The following HECTD4 variants were observed in gnomAD, a reference collection of about 807,000 sequenced individuals.
HECTD4 encodes the protein HECT domain E3 ubiquitin protein ligase 4, also known as probable E3 ubiquitin-protein ligase HECTD4.
HECTD4 carries 114 observed loss-of-function variants against 471.5 expected under a neutral mutation model. That is an observed-to-expected ratio of 0.24 (90% CI 0.21 to 0.28). The LOEUF (loss-of-function observed/expected upper bound fraction) is 0.28, where lower values mean the gene tolerates loss of function less well. Among genes scored for constraint, HECTD4 ranks in the 10% least tolerant of loss-of-function variants. The pLI, the probability that HECTD4 is intolerant of heterozygous loss-of-function variation, is 1.00. For synonymous variants in HECTD4, 2,012 were observed against 2,256.0 expected (o/e 0.89, Z 3.07); for missense variants, 3,866 against 5,651.5 (o/e 0.68, Z 10.13).
intron 44 of HECTD4, among the ~76,000 whole-genome samples, chr12:112,222,621 C>A (rs939304232): frequency 6.6e-6 from 1 of 152,256 alleles, no homozygotes; most frequent in East Asian, 1.9e-4. Context: ...GAGCTAAGAT[C>A]GTGCCACCGC....
At chr12:112,374,743 A>C (rs943389819) in intron 1 of HECTD4, among the ~76,000 whole-genome samples, 1 of 152,250 alleles carries the variant, frequency 6.6e-6, no homozygotes, top group African/African-American at 2.4e-5. Context: ...AGAATAGACC[A>C]ACATAAATCT....
chr12:112,176,978 A>T (rs1392401808), intron 64 of HECTD4, among the ~76,000 whole-genome samples: 1 of 152,232 alleles, frequency 6.6e-6, no homozygotes, highest in Non-Finnish European at 1.5e-5. Flanking sequence ...CTGTTCAATA[A>T]GGTAGCTGCT....
intron 1 of HECTD4, among the ~76,000 whole-genome samples, chr12:112,332,434 G>A (rs1200246488): frequency 6.6e-6 from 1 of 151,680 alleles, no homozygotes; most frequent in Non-Finnish European, 1.5e-5. Context: ...CTACTGGGGA[G>A]GGTGAGGCAG....
Position 112,269,807 on chromosome 12 carries a change from G to A in HECTD4, c.2218C>T (p.Arg740Ter). 6.2e-7 allele frequency: 1 copy of A among 1,613,842 alleles called. No individual in the cohort carries two copies. Among genetic ancestry groups the A allele is most frequent in the Non-Finnish European group, 8.5e-7 (1 of 1,179,776 alleles). ...AATCCCGACCGTCGAATGATGTCTCGATTCCTTTCAGTTTGTGGGCTGAAG... is the reference window on the plus strand; with the variant it reads ...AATCCCGACCGTCGAATGATGTCTCAATTCCTTTCAGTTTGTGGGCTGAAG... ...FFFSPQTERN[R>*]DIIRRSGLLL... Residue 740 changes from arginine (R) to a stop codon, truncating the protein, a stop_gained, in exon 13 of 76, where the codon CGA (arginine) becomes TGA (stop). Coordinates refer to ENST00000682272, the MANE Select transcript of HECTD4 (RefSeq NM_001388303.1). LOFTEE classifies it high-confidence loss of function.
chr12:112,382,385 C>A lies in HECTD4; in HGVS notation c.-257G>T, dbSNP rs1320186038. ...CCTCAGGAGCAGGATCCGCCTCTGC[C>A]GCTCGGCAACCAACTGTCAGTGAGA... On this transcript the variant is annotated 5_prime_UTR_variant, in exon 1 of 76. Transcript: ENST00000682272. 1 of 344,962 alleles carries A rather than the reference C, an allele frequency of 2.9e-6. No individual in the cohort carries two copies. The highest frequency in any genetic ancestry group is 5.1e-6 in the Non-Finnish European group (1 of 196,264). 21.4% of individuals were successfully genotyped at this position (344,962 alleles called of 1,614,324 possible). A position where few individuals can be genotyped will look rare whatever the true frequency, so the allele number is the denominator to read the frequency against.
rs778868482 is a variant in HECTD4, at chr12:112,172,848, C to T, written c.11608G>A (p.Asp3870Asn). The T allele has an allele frequency of 8.7e-6, 14 of 1,613,772 alleles. No individual in the cohort carries two copies. The South Asian group carries it at 1.1e-4, about 13-fold the overall frequency. Residue 3870 changes from aspartate to asparagine, a missense_variant, in exon 67 of 76, where the codon GAT becomes AAT. Around this residue, in one of 16 missense-constraint regions of HECTD4, gnomAD observed 715 missense variants for 1,087.6 expected, o/e 0.66. Coordinates refer to ENST00000682272, the MANE Select transcript of HECTD4 (RefSeq NM_001388303.1). Reference protein sequence around the residue: ...DLHFERCACIDVRHAQKASRK... With the variant: ...DLHFERCACINVRHAQKASRK... The stretch of plus-strand genomic sequence containing the variant: ...GAGGCCTTCTGTGCATGTCGGACAT[C>T]GATGCATGCGCACCTTGGGGTGGGG...
chr12:112,206,769 C>T (rs1319782822), intron 52 of HECTD4, among the ~76,000 whole-genome samples: 1 of 152,124 alleles, frequency 6.6e-6, no homozygotes, highest in African/African-American at 2.4e-5. Flanking sequence ...ATCTCCTGAC[C>T]TCATGATCCG....
chr12:112,353,245 T>G (rs1166358144), intron 1 of HECTD4, among the ~76,000 whole-genome samples: 1 of 152,210 alleles, frequency 6.6e-6, no homozygotes, highest in Non-Finnish European at 1.5e-5. Context: ...ATGGCTTCAT[T>G]ACAATCAAGG....
Position 112,207,975 on chromosome 12 carries a change from T to C in HECTD4, c.8030A>G (p.Lys2677Arg). The C allele has an allele frequency of 6.2e-7, 1 of 1,613,708 alleles. No individual in the cohort carries two copies. ...PQEDHYALLV[K>R]AWETKVFPTI... ...AGGAAAAACCTTGGTCTCCCATGCT[T>C]TCACCAGCAGGGCGTAGTGGTCCTC... Residue 2677 changes from lysine to arginine, a missense_variant, in exon 52 of 76, where the codon AAA becomes AGA. This residue lies in a region of HECTD4 where 266 missense variants were observed against 441.6 expected (regional missense o/e 0.60). Coordinates refer to ENST00000682272, the MANE Select transcript of HECTD4 (RefSeq NM_001388303.1).
intron 11 of HECTD4, among the ~76,000 whole-genome samples, chr12:112,270,832 G>A (rs1378855959): frequency 1.3e-5 from 2 of 152,168 alleles, no homozygotes; most frequent in Admixed American, 1.3e-4. Context: ...GTAGAACTGG[G>A]ATTTGGATTC....
At chr12:112,237,915 C>T (rs550114419) in intron 34 of HECTD4, among the ~76,000 whole-genome samples, 51 of 152,052 alleles carry the variant, frequency 3.4e-4, no homozygotes, top group Non-Finnish European at 6.0e-4. Context: ...CCACCATGCC[C>T]GGCTAATTTT....
At chr12:112,203,896 G>T in intron 53 of HECTD4, 124 bp from the exon 54 acceptor site, 1 of 535,458 alleles carries the variant, frequency 1.9e-6, no homozygotes, top group Non-Finnish European at 3.0e-6. Flanking sequence ...AAATAAAATA[G>T]CTCTACGGGC....
chr12:112,193,699 T>G lies in HECTD4; in HGVS notation c.8750-25A>C. 6.3e-7 allele frequency: 1 copy of G among 1,592,546 alleles called. No homozygotes were observed. The highest frequency in any genetic ancestry group is 8.6e-7 in the Non-Finnish European group (1 of 1,168,684). On this transcript the variant is annotated intron_variant, in intron 56 of 75. Coordinates refer to ENST00000682272, the MANE Select transcript of HECTD4 (RefSeq NM_001388303.1). This position sits in a 1 kb window ranked among gnomAD's most constrained non-coding sequence, Gnocchi z 5.2. ...TCTGGGGACGGAAAGGAAACAGAAG[T>G]TGACAAGAATCAAAGCAGCCAGTAG...
At position 112,251,019 on chromosome 12, in the gene HECTD4, T is replaced by C; in HGVS notation, c.3668A>G (p.Lys1223Arg). The change falls in exon 24 of 76, where the codon AAA becomes AGA. Residue 1223 changes from lysine to arginine, a missense_variant. Lys to Arg is a conservative substitution (Grantham distance 26). Around this residue, in one of 16 missense-constraint regions of HECTD4, gnomAD observed 281 missense variants for 499.9 expected, o/e 0.56. Coordinates refer to ENST00000682272, the MANE Select transcript of HECTD4 (RefSeq NM_001388303.1). ...RILYNGPEIT[K>R]EEEACQELLR... ...TAGCTCCTGACAGGCTTCTTCTTCT[T>C]TGGTAATTTCTGGTCCATTGTACAG... is the stretch of plus-strand genomic sequence containing the variant. The C allele has an allele frequency of 1.2e-6, 2 of 1,613,914 alleles. No homozygotes were observed. The highest frequency in any genetic ancestry group is 1.7e-6 in the Non-Finnish European group (2 of 1,179,836).
In HECTD4 at chr12:112,265,253, T is replaced by C. The variant is rs2034241880; in HGVS notation, c.2541A>G (p.Val847=). 1 of 1,590,924 alleles carries C rather than the reference T, an allele frequency of 6.3e-7. No individual in the cohort carries two copies. The highest frequency in any genetic ancestry group is 1.1e-5 in the South Asian group (1 of 87,718). The change falls in exon 16 of 76, where the codon GTA becomes GTG. Residue 847 remains valine, a synonymous_variant. Coordinates refer to ENST00000682272, the MANE Select transcript of HECTD4 (RefSeq NM_001388303.1). ...TGGTGATTAAGATACAGGATTCTCG[T>C]ACAACAATCTTCAGAATGTAGTGTA... The part of the protein sequence containing the change: ...ELLHYILKIV[V]RESCILITKC...
chr12:112,266,018 T>C (rs1374990141), intron 14 of HECTD4, 35 bp from the exon 15 acceptor site: 11 of 1,416,320 alleles, frequency 7.8e-6, no homozygotes, highest in Non-Finnish European at 1.0e-5. Flanking sequence ...ACTACCCTGG[T>C]AATGACTCCT....
intron 3 of HECTD4, 44 bp downstream of exon 3, chr12:112,314,413 T>G: frequency 1.0e-6 from 1 of 966,822 alleles, no homozygotes; most frequent in Non-Finnish European, 1.6e-6. Flanking sequence ...GGCACAAATC[T>G]GCCTAGTTTG....
chr12:112,170,184 G>T, intron 69 of HECTD4, 149 bp downstream of exon 69: 1 of 1,117,606 alleles, frequency 8.9e-7, no homozygotes, highest in Non-Finnish European at 1.3e-6. Flanking sequence ...GGACCTTCCA[G>T]CAGGAAGCCA....
intron 1 of HECTD4, among the ~76,000 whole-genome samples, chr12:112,359,709 G>A (rs1257480772): frequency 2.6e-5 from 4 of 151,946 alleles, no homozygotes; most frequent in African/African-American, 7.3e-5. Flanking sequence ...GTGAGCCACC[G>A]CGCCTGGCCT....
Sources: gnomAD v4.1 joint callset for allele counts (sites outside exome capture counted in the v4.1 genomes callset) on GRCh38, gnomAD v4.1.1 for gene constraint, gnomAD v4.1.1 regional missense constraint, Gnocchi (gnomAD v3.1) non-coding constraint, MANE v1.5 for transcripts, NCBI Gene and HGNC (gene_info 2026-07-23, HGNC 2026-07-21) for gene names.